The following RPAP2 variants were observed in gnomAD, a reference collection of about 807,000 sequenced individuals.
RPAP2 encodes putative RNA polymerase II subunit B1 CTD phosphatase RPAP2.
RPAP2 carries 52 observed loss-of-function variants against 73.1 expected under a neutral mutation model. The ratio of observed to expected loss-of-function variants is 0.71; its 90% CI spans 0.57 to 0.90. The LOEUF (loss-of-function observed/expected upper bound fraction) is 0.90, where lower values mean the gene tolerates loss of function less well. Among genes scored for constraint, RPAP2 ranks in the 40% least tolerant of loss-of-function variants. RPAP2 has a pLI of 0.00. For missense variants in RPAP2, 598 were observed against 701.8 expected (o/e 0.85, Z 1.67); for synonymous variants, 225 against 242.1 (o/e 0.93, Z 0.65).
In RPAP2 at chr1:92,320,587, T is replaced by C; in HGVS notation, c.489-12T>C. 2 of 1,610,184 alleles carry C rather than the reference T, an allele frequency of 1.2e-6. No individual in the cohort carries two copies. Among genetic ancestry groups the C allele is most frequent in the Non-Finnish European group, 1.7e-6 (2 of 1,176,978 alleles). ...ACCCGGCCTAATTTTTATTTCTGTG[T>C]TCTTATTACAGGCATCCTGATTTTC... On this transcript the variant is annotated splice_polypyrimidine_tract_variant and intron_variant, in intron 6 of 12. Coordinates refer to ENST00000610020, the MANE Select transcript of RPAP2 (RefSeq NM_024813.3).
At chr1:92,340,150 G>T (rs891189649) in intron 10 of RPAP2, among the ~76,000 whole-genome samples, 8 of 152,126 alleles carry the variant, frequency 5.3e-5, no homozygotes, top group African/African-American at 1.9e-4. Context: ...CAAAAACCTT[G>T]GTGTTAATTA....
At chr1:92,308,951 T>A (rs1288294937) in intron 6 of RPAP2, among the ~76,000 whole-genome samples, 2 of 152,012 alleles carry the variant, frequency 1.3e-5, no homozygotes, top group Admixed American at 6.5e-5. Flanking sequence ...CAGAGTGAGA[T>A]TCTGTCTCAA....
chr1:92,320,420 G>T (rs1166732608), intron 6 of RPAP2, among the ~76,000 whole-genome samples, 179 bp from the exon 7 acceptor site: 1 of 151,868 alleles, frequency 6.6e-6, no homozygotes, highest in African/African-American at 2.4e-5. Flanking sequence ...CTACAGGCGC[G>T]CACCGCCATG....
intron 5 of RPAP2, among the ~76,000 whole-genome samples, 193 bp downstream of exon 5, chr1:92,304,542 A>T (rs944805341): frequency 2.1e-4 from 32 of 152,196 alleles, no homozygotes; most frequent in Admixed American, 5.9e-4. Flanking sequence ...GGTATTAAAA[A>T]TTTTTTTGCT....
intron 11 of RPAP2, among the ~76,000 whole-genome samples, chr1:92,348,265 C>G (rs1040562942): frequency 6.6e-6 from 1 of 152,186 alleles, no homozygotes; most frequent in African/African-American, 2.4e-5. Context: ...TTCTCTCTTT[C>G]GTTATGCCCT....
At chr1:92,324,771 ACTTGGTAG>A (rs1351067751) in intron 8 of RPAP2, among the ~76,000 whole-genome samples, 1 of 152,156 alleles carries the variant, frequency 6.6e-6, no homozygotes, top group Non-Finnish European at 1.5e-5. Context: ...CATGGAATAG[ACTTGGTAG>A]TTACATTGGA....
chr1:92,371,449 A>G (rs1655150973), intron 11 of RPAP2, among the ~76,000 whole-genome samples: 1 of 151,914 alleles, frequency 6.6e-6, no homozygotes, highest in Admixed American at 6.6e-5. Flanking sequence ...AGGAAATGAA[A>G]TCAGTATGTC....
At position 92,389,519 on chromosome 1, in the gene RPAP2, G is replaced by A. The variant is rs928820277; in HGVS notation, c.*2508G>A. On this transcript the variant is annotated 3_prime_UTR_variant, in exon 13 of 13. Transcript: ENST00000610020. ...GGAACACAACTCCTTGCCAGCAAGG[G>A]AACAAAACTGGACAGAGAATGAGTT... The A allele has an allele frequency of 6.6e-6, 1 of 152,114 alleles. No homozygotes were observed. The highest frequency in any genetic ancestry group is 6.6e-5 in the Admixed American group (1 of 15,262). 9.4% of individuals were successfully genotyped at this position (152,114 alleles called of 1,614,324 possible).
chr1:92,309,296 G>A (rs1651435718), intron 6 of RPAP2, among the ~76,000 whole-genome samples: 1 of 151,818 alleles, frequency 6.6e-6, no homozygotes, highest in Non-Finnish European at 1.5e-5. Context: ...ACAAAAATTA[G>A]CTGGACGTGG....
rs558618098 is a variant in RPAP2 at position 92,353,933 on chromosome 1, C to T, written c.1688+8019C>T. 9.2e-5 allele frequency among the ~76,000 whole-genome samples: 14 copies of T among 152,220 alleles called. No individual in the cohort carries two copies. The East Asian group carries it at 2.7e-3, about 29-fold the overall frequency. Reference sequence around the variant, plus strand: ...ACATTAATTTTCCCCACAGAATTCCCTATATCTTTGGCAGTTTTATAATGC... The same window carrying T: ...ACATTAATTTTCCCCACAGAATTCCTTATATCTTTGGCAGTTTTATAATGC... On this transcript the variant is annotated intron_variant, in intron 11 of 12. Coordinates refer to ENST00000610020, the MANE Select transcript of RPAP2 (RefSeq NM_024813.3).
chr1:92,324,182 C>G lies in RPAP2; in HGVS notation c.1262C>G (p.Pro421Arg), dbSNP rs1270968779. ...ATCTCAGATCCAGATAGTCATTTCC[C>G]TGCCTGGAGGGAATCTCAGAACAGC... is the stretch of plus-strand genomic sequence containing the variant. ...DIISDPDSHF[P>R]AWRESQNSLD... The change falls in exon 8 of 13, where the codon CCT becomes CGT. Residue 421 changes from proline to arginine, a missense_variant. This residue lies in a region of RPAP2 where 506 missense variants were observed against 612.8 expected (regional missense o/e 0.83). Coordinates refer to ENST00000610020, the MANE Select transcript of RPAP2 (RefSeq NM_024813.3). The G allele has an allele frequency of 3.7e-6, 6 of 1,614,140 alleles. No individual in the cohort carries two copies. The Admixed American group carries it at 8.3e-5, about 22-fold the overall frequency.
At chr1:92,378,557 G>A (rs1557632814) in intron 11 of RPAP2, among the ~76,000 whole-genome samples, 1 of 151,918 alleles carries the variant, frequency 6.6e-6, no homozygotes, top group African/African-American at 2.4e-5. Context: ...CTGTGGAGTT[G>A]GTATATTTGA....
intron 12 of RPAP2, among the ~76,000 whole-genome samples, chr1:92,381,172 C>T (rs1655613656): frequency 6.6e-6 from 1 of 152,096 alleles, no homozygotes; most frequent in Non-Finnish European, 1.5e-5. Context: ...CCCACATGTC[C>T]CATCTGATAA....
intron 12 of RPAP2, among the ~76,000 whole-genome samples, chr1:92,381,844 T>A (rs1655652059): frequency 6.6e-6 from 1 of 152,082 alleles, no homozygotes; most frequent in African/African-American, 2.4e-5. Context: ...TATGTATACA[T>A]GTGCCATGTT....
intron 11 of RPAP2, among the ~76,000 whole-genome samples, chr1:92,376,005 A>C (rs1015465747): frequency 1.3e-5 from 2 of 151,786 alleles, no homozygotes; most frequent in South Asian, 4.2e-4. Context: ...GTCTCAAAAA[A>C]AAAAAAAAAA....
chr1:92,325,160 T>C (rs137966606), intron 8 of RPAP2, among the ~76,000 whole-genome samples: 2,352 of 152,266 alleles, frequency 0.015, 30 homozygotes, highest in Non-Finnish European at 0.026. Context: ...CCATCTTTGA[T>C]TGATGTATAC....
rs914424123 is a variant in RPAP2, at chr1:92,388,773, C to T, written c.*1762C>T. 2.0e-5 allele frequency: 3 copies of T among 152,352 alleles called. No individual in the cohort carries two copies. The South Asian group carries it at 6.2e-4, about 31-fold the overall frequency. The allele number at this position is 152,352 out of a possible 1,614,324, so 9.4% of individuals were successfully genotyped here. On this transcript the variant is annotated 3_prime_UTR_variant, in exon 13 of 13. Transcript: ENST00000610020. ...CACAGAGCCTTGCTCACTGCTAGCGCCAGCAGTCTGAAATCGACCTGGGAC... is the reference window on the plus strand; with the variant it reads ...CACAGAGCCTTGCTCACTGCTAGCGTCAGCAGTCTGAAATCGACCTGGGAC...
chr1:92,348,876 A>C (rs1654053545), intron 11 of RPAP2, among the ~76,000 whole-genome samples: 1 of 152,206 alleles, frequency 6.6e-6, no homozygotes. Flanking sequence ...GCATTTTGTC[A>C]CTGGGGAAAG....
chr1:92,373,504 G>T (rs535126965), intron 11 of RPAP2, among the ~76,000 whole-genome samples: 5 of 152,046 alleles, frequency 3.3e-5, no homozygotes, highest in African/African-American at 1.2e-4. Context: ...AGAGCTAAAC[G>T]GTTCCTTTAG....
Sources: allele counts gnomAD v4.1 joint callset (sites outside exome capture counted in the v4.1 genomes callset), GRCh38; gene constraint gnomAD v4.1.1; regional missense constraint gnomAD v4.1.1; transcripts MANE v1.5; gene names NCBI Gene and HGNC (gene_info 2026-07-23, HGNC 2026-07-21).